QKI: variants seen among roughly 807,000 people sequenced by gnomAD.
The protein encoded by QKI is KH domain-containing RNA-binding protein QKI.
A neutral mutation model predicts 39.0 loss-of-function variants in QKI; 10 were observed. That is an observed-to-expected ratio of 0.26 (90% CI 0.16 to 0.43). QKI has a LOEUF of 0.43. Ranked by LOEUF, QKI falls within the 20% of genes least tolerant of loss-of-function variation. QKI has a pLI of 1.00. For missense variants in QKI, 218 were observed against 428.0 expected, an observed-to-expected ratio of 0.51 and a Z score of 4.33; for synonymous variants, 204 against 155.4, an observed-to-expected ratio of 1.31 and a Z score of -2.33.
At chr6:163,471,947 A>G (rs1010537405) in intron 2 of QKI, among the ~76,000 whole-genome samples, 1 of 152,154 alleles carries the variant, frequency 6.6e-6, no homozygotes, top group East Asian at 1.9e-4. Context: ...CTATATTAGT[A>G]TCAGTGTAAG....
intron 3 of QKI, among the ~76,000 whole-genome samples, chr6:163,499,351 G>A (rs1583104387): frequency 1.3e-5 from 2 of 152,098 alleles, no homozygotes; most frequent in South Asian, 4.1e-4. Flanking sequence ...TCTAGACACA[G>A]CAAGTGAGTT....
At chr6:163,488,465 A>G (rs1777825163) in intron 3 of QKI, among the ~76,000 whole-genome samples, 1 of 152,196 alleles carries the variant, frequency 6.6e-6, no homozygotes, top group Admixed American at 6.5e-5. Context: ...CATTAAATTT[A>G]GGACTATAAT....
In QKI at chr6:163,478,953, T is replaced by A. The variant is rs942191702; in HGVS notation, c.402+57T>A. On this transcript the variant is annotated intron_variant, in intron 3 of 7. Transcript: ENST00000361752. ...GTGAGTAACTTACTATACTTTTACA[T>A]CGTAATAATAAAATTTCCAGATTTT... is the stretch of plus-strand genomic sequence containing the variant. 4.2e-5 allele frequency: 57 copies of A among 1,354,088 alleles called. 1 individual carries two copies. In the Admixed American group the frequency reaches 1.2e-3, roughly 27 times the overall value. The allele number at this position is 1,354,088 out of a possible 1,614,324, so 83.9% of individuals were successfully genotyped here. A position where few individuals can be genotyped will look rare whatever the true frequency, so the allele number is the denominator to read the frequency against.
At chr6:163,547,986 T>A (rs1283994164) in intron 4 of QKI, among the ~76,000 whole-genome samples, 3 of 152,176 alleles carry the variant, frequency 2.0e-5, no homozygotes, top group Non-Finnish European at 4.4e-5. Flanking sequence ...CCAACTTTGT[T>A]TCATGTCATT....
chr6:163,506,219 G>C (rs1779084894), intron 3 of QKI, among the ~76,000 whole-genome samples: 1 of 152,142 alleles, frequency 6.6e-6, no homozygotes, highest in Non-Finnish European at 1.5e-5. Flanking sequence ...CTTTGTAGCA[G>C]TGTGAGAGCT....
At chr6:163,436,497 T>C (rs1389408394) in intron 1 of QKI, among the ~76,000 whole-genome samples, 1 of 152,042 alleles carries the variant, frequency 6.6e-6, no homozygotes, top group Non-Finnish European at 1.5e-5. Flanking sequence ...CTTACTGAGG[T>C]GGTCATGAGA....
In QKI at chr6:163,576,858, A is replaced by G. The variant is rs1784001613; in HGVS notation, c.*6148A>G. 1 of 152,246 alleles carries G rather than the reference A, an allele frequency of 6.6e-6. No homozygotes were observed. The highest frequency in any genetic ancestry group is 2.4e-5 in the African/African-American group (1 of 41,458). 9.4% of individuals were successfully genotyped at this position (152,246 alleles called of 1,614,324 possible). The stretch of plus-strand genomic sequence containing the variant: ...TTCTGGAGTTATTATAACATTAGAA[A>G]ATGAGCATAACATTCACTCTGATTT... On this transcript the variant is annotated 3_prime_UTR_variant, in exon 8 of 8. Coordinates refer to ENST00000361752, the MANE Select transcript of QKI (RefSeq NM_006775.3).
intron 3 of QKI, among the ~76,000 whole-genome samples, chr6:163,523,332 T>C (rs1246220718): frequency 5.9e-5 from 9 of 152,250 alleles, no homozygotes; most frequent in African/African-American, 9.6e-5. Flanking sequence ...GAAAGCACCA[T>C]ATGGCTTAGG....
intron 2 of QKI, among the ~76,000 whole-genome samples, chr6:163,467,528 T>C (rs916310368): frequency 5.9e-5 from 9 of 152,228 alleles, no homozygotes; most frequent in Non-Finnish European, 7.3e-5. Context: ...TACATAGCCT[T>C]GTAAGAAACC....
intron 1 of QKI, among the ~76,000 whole-genome samples, chr6:163,433,682 G>A (rs1360225870): frequency 3.9e-5 from 6 of 151,988 alleles, no homozygotes; most frequent in Non-Finnish European, 7.4e-5. Context: ...TGGGAGAATC[G>A]CTTGAACCTG....
chr6:163,457,633 AAT>A, intron 2 of QKI: 1 of 282,514 alleles, frequency 3.5e-6, no homozygotes. Context: ...TCACTCCTCT[AAT>A]TTTTTTTTTT....
chr6:163,563,877 G>GGTTC (rs1316119494), intron 6 of QKI, 158 bp downstream of exon 6: 7 of 1,427,590 alleles, frequency 4.9e-6, no homozygotes, highest in Non-Finnish European at 6.4e-6. Context: ...CTCTCATAAG[G>GGTTC]GTTCCCCTTT....
chr6:163,436,639 C>T (rs1432348743), intron 1 of QKI, among the ~76,000 whole-genome samples: 1 of 151,870 alleles, frequency 6.6e-6, no homozygotes, highest in Admixed American at 6.6e-5. Flanking sequence ...CATGGTGAAA[C>T]TCCATCTCTA....
intron 3 of QKI, among the ~76,000 whole-genome samples, chr6:163,496,312 C>T (rs1247778349): frequency 6.6e-6 from 1 of 152,080 alleles, no homozygotes; most frequent in East Asian, 1.9e-4. Context: ...GTTATCAGTC[C>T]ATGTGAATTA....
intron 2 of QKI, among the ~76,000 whole-genome samples, chr6:163,464,343 G>C (rs1791570663): frequency 6.6e-6 from 1 of 151,624 alleles, no homozygotes; most frequent in African/African-American, 2.4e-5. Flanking sequence ...TAAACAGAAG[G>C]AATGAAATAA....
At chr6:163,550,515 A>G (rs368704413) in intron 4 of QKI, among the ~76,000 whole-genome samples, 2 of 152,310 alleles carry the variant, frequency 1.3e-5, no homozygotes, top group East Asian at 3.9e-4. Context: ...CTATTATTAT[A>G]AAACTGAGTT....
intron 1 of QKI, among the ~76,000 whole-genome samples, chr6:163,444,359 T>A (rs973013285): frequency 5.9e-5 from 9 of 152,218 alleles, no homozygotes; most frequent in African/African-American, 1.7e-4. Context: ...CTCAGCTAAA[T>A]CATGCTGGCG....
In QKI at chr6:163,478,809, T is replaced by G; in HGVS notation, c.315T>G (p.Pro105=). The change falls in exon 3 of 8, where the codon CCT becomes CCG. Residue 105 remains proline (P), a synonymous_variant. Transcript: ENST00000361752. ...DFNFVGRILG[P]RGLTAKQLEA... is the part of the protein sequence containing the mutation. Reference sequence around the variant, plus strand: ...ATTTTGTTGGGAGAATCCTTGGACCTAGAGGACTTACAGCCAAACAACTTG... The same window carrying G: ...ATTTTGTTGGGAGAATCCTTGGACCGAGAGGACTTACAGCCAAACAACTTG... 5 of 1,613,096 alleles carry G rather than the reference T, an allele frequency of 3.1e-6. No individual in the cohort carries two copies. Among genetic ancestry groups the G allele is most frequent in the Non-Finnish European group, 4.2e-6 (5 of 1,179,464 alleles).
intron 1 of QKI, among the ~76,000 whole-genome samples, chr6:163,424,641 AT>A (rs113916256): frequency 0.01 from 1,477 of 144,438 alleles, 10 homozygotes; most frequent in East Asian, 0.022. Context: ...TTGGTTTTTA[AT>A]TTTTTTTTTT....
Sources: allele counts gnomAD v4.1 joint callset (sites outside exome capture counted in the v4.1 genomes callset), GRCh38; gene constraint gnomAD v4.1.1; transcripts MANE v1.5; gene names NCBI Gene and HGNC (gene_info 2026-07-23, HGNC 2026-07-21).